WIPF1: variants seen among roughly 807,000 people sequenced by gnomAD.
WIPF1 encodes the protein WAS/WASL interacting protein family member 1, also known as WAS/WASL-interacting protein family member 1.
WIPF1 carries 13 observed loss-of-function variants against 35.4 expected under a neutral mutation model. The observed-to-expected ratio is 0.37, with a 90% confidence interval of 0.24 to 0.58. The LOEUF is 0.58. Ranked by LOEUF, WIPF1 falls within the 20% of genes least tolerant of loss-of-function variation. The pLI is 0.74. For synonymous variants in WIPF1, 267 were observed against 266.3 expected (o/e 1.00, Z -0.02); for missense variants, 591 against 667.0 (o/e 0.89, Z 1.25).
chr2:174,644,346 GAAT>G (rs1687357700), intron 1 of WIPF1, among the ~76,000 whole-genome samples: 1 of 152,142 alleles, frequency 6.6e-6, no homozygotes, highest in African/African-American at 2.4e-5. Flanking sequence ...ATGTTAATAA[GAAT>G]AATTGTATAA....
At chr2:174,609,026 G>C (rs1216021021) in intron 1 of WIPF1, among the ~76,000 whole-genome samples, 2 of 152,000 alleles carry the variant, frequency 1.3e-5, no homozygotes, top group African/African-American at 2.4e-5. Flanking sequence ...CCCTCTGACT[G>C]CATATAAGCC....
At position 174,571,765 on chromosome 2, in the gene WIPF1, G is replaced by A. The variant is rs1336756834; in HGVS notation, c.1040C>T (p.Pro347Leu). The change falls in exon 5 of 8, where the codon CCG becomes CTG. Residue 347 changes from proline (P) to leucine (L), a missense_variant. Pro to Leu is a moderately conservative substitution (Grantham distance 98). Transcript: ENST00000679041. This position sits in a 1 kb window ranked among gnomAD's most constrained non-coding sequence, Gnocchi z 4.6. Reference protein sequence around the residue: ...RNLSLSSSTPPLPSPGRSGPL... With the variant: ...RNLSLSSSTPLLPSPGRSGPL... ...ACCTGAACGTCCTGGCGAAGGTAAC[G>A]GGGGCGTGGACGAACTGAGGGACAG... The A allele has an allele frequency of 1.2e-6, 2 of 1,614,218 alleles. No individual in the cohort carries two copies. The highest frequency in any genetic ancestry group is 1.7e-6 in the Non-Finnish European group (2 of 1,180,038).
rs550377781 is a variant in WIPF1, at chr2:174,562,341, C to G, written c.*206G>C. The G allele has an allele frequency of 6.7e-7, 1 of 1,483,722 alleles. No individual in the cohort carries two copies. Among genetic ancestry groups the G allele is most frequent in the African/African-American group, 1.4e-5 (1 of 70,944 alleles). 91.9% of individuals were successfully genotyped at this position (1,483,722 alleles called of 1,614,324 possible). A position where few individuals can be genotyped will look rare whatever the true frequency, so the allele number is the denominator to read the frequency against. On this transcript the variant is annotated 3_prime_UTR_variant, in exon 8 of 8. Coordinates refer to ENST00000679041, the MANE Select transcript of WIPF1 (RefSeq NM_001375834.1). ...ACAGGCAGGCTGCAGCTGAAGCAAGCAATAGCCTGGAGAATAAACACAATA... is the reference window on the plus strand; with the variant it reads ...ACAGGCAGGCTGCAGCTGAAGCAAGGAATAGCCTGGAGAATAAACACAATA...
chr2:174,642,481 G>A (rs1198242602), intron 1 of WIPF1, among the ~76,000 whole-genome samples: 2 of 151,166 alleles, frequency 1.3e-5, no homozygotes, highest in Non-Finnish European at 2.9e-5. Context: ...CGAGTAGCTG[G>A]AACTACAGGC....
intron 1 of WIPF1, among the ~76,000 whole-genome samples, chr2:174,588,998 T>G (rs2105850531): frequency 6.6e-6 from 1 of 152,284 alleles, no homozygotes; most frequent in South Asian, 2.1e-4. Context: ...TGCCATGTCC[T>G]CTCTCCTCCC....
intron 1 of WIPF1, among the ~76,000 whole-genome samples, chr2:174,649,981 A>G (rs1171344845): frequency 6.6e-6 from 1 of 152,170 alleles, no homozygotes; most frequent in African/African-American, 2.4e-5. Flanking sequence ...GGCTAAATAA[A>G]TTCTAAATCA....
intron 1 of WIPF1, among the ~76,000 whole-genome samples, chr2:174,612,927 G>A (rs971713725): frequency 1.3e-5 from 2 of 152,190 alleles, no homozygotes; most frequent in African/African-American, 4.8e-5. Context: ...GACCGTTTCT[G>A]TGTGTTTATA....
At chr2:174,648,545 A>C (rs1687465541) in intron 1 of WIPF1, among the ~76,000 whole-genome samples, 1 of 152,228 alleles carries the variant, frequency 6.6e-6, no homozygotes, top group African/African-American at 2.4e-5. Context: ...AATAGGAGTT[A>C]ATGGAATATT....
At chr2:174,664,014 C>T (rs966435066) in intron 1 of WIPF1, among the ~76,000 whole-genome samples, 5 of 152,176 alleles carry the variant, frequency 3.3e-5, no homozygotes, top group Non-Finnish European at 7.3e-5. Context: ...GGCAGTAGAA[C>T]CTGGGGCTCT....
At chr2:174,585,179 T>A (rs911103715) in intron 2 of WIPF1, among the ~76,000 whole-genome samples, 7 of 152,130 alleles carry the variant, frequency 4.6e-5, no homozygotes, top group African/African-American at 1.7e-4. Flanking sequence ...GGCCAGACAT[T>A]GAGTTCATCT....
intron 1 of WIPF1, among the ~76,000 whole-genome samples, chr2:174,661,612 T>G (rs1426513027): frequency 1.3e-5 from 2 of 152,154 alleles, no homozygotes; most frequent in East Asian, 3.9e-4. Context: ...CTCTCTGCTT[T>G]TTTCACAGCC....
intron 1 of WIPF1, among the ~76,000 whole-genome samples, chr2:174,587,313 G>C (rs550411337): frequency 3.9e-4 from 59 of 152,164 alleles, no homozygotes; most frequent in African/African-American, 1.3e-3. Context: ...CACTGTGTCA[G>C]GCTTTTTAAA....
At chr2:174,642,644 G>T (rs1265017540) in intron 1 of WIPF1, among the ~76,000 whole-genome samples, 1 of 148,658 alleles carries the variant, frequency 6.7e-6, no homozygotes. Context: ...GCCGCGCCCG[G>T]CCTTTTTTGT....
At chr2:174,629,680 T>G (rs1686955651) in intron 1 of WIPF1, 1 of 152,310 alleles carries the variant, frequency 6.6e-6, no homozygotes, top group South Asian at 2.1e-4. Flanking sequence ...GAAGCCACAC[T>G]GCAGGGAGGA....
chr2:174,658,175 G>A (rs1173836591), intron 1 of WIPF1, among the ~76,000 whole-genome samples: 5 of 152,126 alleles, frequency 3.3e-5, no homozygotes, highest in African/African-American at 1.2e-4. Flanking sequence ...GGAGAGAGAA[G>A]AAGCTGGCCT....
chr2:174,624,303 A>C (rs374841318), intron 1 of WIPF1, among the ~76,000 whole-genome samples: 1 of 152,264 alleles, frequency 6.6e-6, no homozygotes, highest in African/African-American at 2.4e-5. Context: ...GCAAAATTCA[A>C]ATCTTCTTAA....
rs75436841 is a variant in WIPF1, at chr2:174,682,125, C to T, written c.-39+649G>A. Among the ~76,000 whole-genome samples the T allele has an allele frequency of 3.8e-3, 573 of 152,354 alleles. 4 individuals carry two copies. The highest frequency in any genetic ancestry group is 0.013 in the African/African-American group (545 of 41,602). Reference sequence around the variant, plus strand: ...CTGGAGAGTTCGGGGGATCACCCCCCCTCAACCCCCGTCCCCACTCCGGGC... The same window carrying T: ...CTGGAGAGTTCGGGGGATCACCCCCTCTCAACCCCCGTCCCCACTCCGGGC... On this transcript the variant is annotated intron_variant, in intron 1 of 8. Transcript: ENST00000272746.
At chr2:174,580,334 C>CT (rs1685196093) in intron 3 of WIPF1, among the ~76,000 whole-genome samples, 1 of 152,198 alleles carries the variant, frequency 6.6e-6, no homozygotes, top group Non-Finnish European at 1.5e-5. Context: ...TTATCTAGGT[C>CT]TTTCACTTTT....
intron 1 of WIPF1, among the ~76,000 whole-genome samples, chr2:174,619,376 C>T (rs549985135): frequency 3.9e-5 from 6 of 152,234 alleles, no homozygotes; most frequent in East Asian, 3.9e-4. Flanking sequence ...TCCAGGAGGA[C>T]GACGTTGCAG....
Sources: gnomAD v4.1 joint callset for allele counts (sites outside exome capture counted in the v4.1 genomes callset) on GRCh38, gnomAD v4.1.1 for gene constraint, Gnocchi (gnomAD v3.1) non-coding constraint, MANE v1.5 for transcripts, NCBI Gene and HGNC (gene_info 2026-07-23, HGNC 2026-07-21) for gene names.